RNF13: variants seen among roughly 807,000 people sequenced by gnomAD.
The protein encoded by RNF13 is E3 ubiquitin-protein ligase RNF13.
RNF13 carries 19 observed loss-of-function variants against 37.7 expected under a neutral mutation model. That is an observed-to-expected ratio of 0.50 (90% CI 0.35 to 0.74). The LOEUF is 0.74. Ranked by LOEUF, RNF13 falls within the 30% of genes least tolerant of loss-of-function variation. The pLI is 0.01. For synonymous variants in RNF13, 144 were observed against 157.8 expected (o/e 0.91, Z 0.65); for missense variants, 375 against 453.0 (o/e 0.83, Z 1.56).
chr3:149,942,846 A>G (rs1269479033), intron 8 of RNF13, among the ~76,000 whole-genome samples: 2 of 151,906 alleles, frequency 1.3e-5, no homozygotes, highest in Non-Finnish European at 2.9e-5. Flanking sequence ...CTCATATATG[A>G]CTTTTATTAT....
At chr3:149,901,420 CT>C (rs1055024895) in intron 5 of RNF13, among the ~76,000 whole-genome samples, 1 of 152,000 alleles carries the variant, frequency 6.6e-6, no homozygotes, top group African/African-American at 2.4e-5. Flanking sequence ...TGACGAAATT[CT>C]TTTTGGGTGG....
intron 8 of RNF13, chr3:149,939,622 A>G: frequency 3.1e-6 from 2 of 636,504 alleles, no homozygotes; most frequent in Non-Finnish European, 5.9e-6. Flanking sequence ...TGTTTCAACA[A>G]TATGCAATTT....
Position 149,856,034 on chromosome 3 carries a change from T to C in RNF13, c.195+3438T>C, listed in dbSNP as rs189297991. Among the ~76,000 whole-genome samples the C allele has an allele frequency of 2.3e-3, 349 of 152,272 alleles. 1 individual carries two copies. The highest frequency in any genetic ancestry group is 7.8e-3 in the African/African-American group (326 of 41,550). Reference sequence around the variant, plus strand: ...TTAATTCTCGATAAGCATAATCTTATTGGTGCTCCTCAATTACTGTGCTAC... The same window carrying C: ...TTAATTCTCGATAAGCATAATCTTACTGGTGCTCCTCAATTACTGTGCTAC... On this transcript the variant is annotated intron_variant, in intron 3 of 9. Transcript: ENST00000392894.
chr3:149,856,478 C>G (rs1469272097), intron 3 of RNF13, among the ~76,000 whole-genome samples: 2 of 149,080 alleles, frequency 1.3e-5, no homozygotes, highest in Non-Finnish European at 3.0e-5. Flanking sequence ...GAGTCTCGCC[C>G]TATTGCCCAG....
chr3:149,870,606 G>A (rs1711921741), intron 3 of RNF13, among the ~76,000 whole-genome samples: 6 of 151,776 alleles, frequency 4.0e-5, no homozygotes, highest in Admixed American at 3.9e-4. Flanking sequence ...CTTAGTGTTT[G>A]CAGAAAGGCA....
At chr3:149,954,750 C>A (rs927677333) in intron 8 of RNF13, among the ~76,000 whole-genome samples, 1 of 152,024 alleles carries the variant, frequency 6.6e-6, no homozygotes, top group Non-Finnish European at 1.5e-5. Context: ...ATTAACTTAC[C>A]CATTTCTAGC....
At chr3:149,847,543 A>G (rs760216102) in intron 2 of RNF13, among the ~76,000 whole-genome samples, 2 of 152,096 alleles carry the variant, frequency 1.3e-5, no homozygotes, top group Non-Finnish European at 2.9e-5. Flanking sequence ...CTAGTAATCC[A>G]TACGAGATTT....
chr3:149,843,532 T>C (rs1722365599), intron 1 of RNF13, among the ~76,000 whole-genome samples: 1 of 152,204 alleles, frequency 6.6e-6, no homozygotes, highest in Admixed American at 6.5e-5. Flanking sequence ...CAAAAAACCC[T>C]CAAAACATGC....
chr3:149,895,911 C>T (rs3772205), intron 5 of RNF13, among the ~76,000 whole-genome samples: 136,516 of 152,252 alleles, frequency 0.9, 61,269 homozygotes, highest in African/African-American at 0.93. Flanking sequence ...TATGCACATA[C>T]ACTAAGTAGC....
At chr3:149,920,193 C>A (rs1217132677) in intron 7 of RNF13, among the ~76,000 whole-genome samples, 1 of 151,998 alleles carries the variant, frequency 6.6e-6, no homozygotes, top group African/African-American at 2.4e-5. Context: ...CAGTCTGTGG[C>A]TCATCTGTAT....
chr3:149,888,390 C>T (rs1714288244), intron 4 of RNF13, among the ~76,000 whole-genome samples: 1 of 152,140 alleles, frequency 6.6e-6, no homozygotes, highest in African/African-American at 2.4e-5. Flanking sequence ...TACTATTTAT[C>T]ATCAGATATC....
At chr3:149,942,045 C>G (rs566226186) in intron 8 of RNF13, among the ~76,000 whole-genome samples, 1 of 152,110 alleles carries the variant, frequency 6.6e-6, no homozygotes, top group South Asian at 2.1e-4. Flanking sequence ...TTCCTAGGCT[C>G]TAAATTCTGT....
chr3:149,892,595 A>G lies in RNF13; in HGVS notation c.322-2878A>G, dbSNP rs140221460. Among the ~76,000 whole-genome samples the G allele has an allele frequency of 7.3e-3, 1,107 of 152,278 alleles. 11 individuals carry two copies. Among genetic ancestry groups the G allele is most frequent in the African/African-American group, 0.026 (1,080 of 41,568 alleles). On this transcript the variant is annotated intron_variant, in intron 4 of 9. Transcript: ENST00000392894. ...GGAGGTGAGCGGTGGGCCGGCAAGC[A>G]TTACTGCCTGAGCTCTGCCTCCTGT...
At chr3:149,956,406 G>T (rs1721871064) in intron 8 of RNF13, among the ~76,000 whole-genome samples, 1 of 152,214 alleles carries the variant, frequency 6.6e-6, no homozygotes, top group Non-Finnish European at 1.5e-5. Context: ...AAGCATCAAA[G>T]ATAGGCCTAG....
At chr3:149,906,645 CTTTT>C (rs35801459) in intron 6 of RNF13, among the ~76,000 whole-genome samples, 3 of 79,156 alleles carry the variant, frequency 3.8e-5, no homozygotes, top group Admixed American at 1.9e-4. Context: ...TTCAATTCTG[CTTTT>C]TTTTTTTTTT....
In RNF13 at chr3:149,961,097, C is replaced by T; in HGVS notation, c.1139C>T (p.Thr380Ile). 6.3e-7 allele frequency: 1 copy of T among 1,597,654 alleles called. No individual in the cohort carries two copies. The highest frequency in any genetic ancestry group is 1.1e-5 in the South Asian group (1 of 88,760). ...GAACGGGATTACAACATAGCAAATACTGTTTGACTTTCAGAAGATGATTGG... is the reference window on the plus strand; with the variant it reads ...GAACGGGATTACAACATAGCAAATATTGTTTGACTTTCAGAAGATGATTGG... ...NGERDYNIAN[T>I]V The change falls in exon 10 of 10, where the codon ACT becomes ATT. Residue 380 changes from threonine to isoleucine, a missense_variant. Physicochemically the swap from Thr to Ile is moderately conservative, Grantham distance 89 (BLOSUM62 -1). Coordinates refer to ENST00000392894, the MANE Select transcript of RNF13 (RefSeq NM_183381.3).
chr3:149,932,310 C>T (rs1004933924), intron 8 of RNF13, among the ~76,000 whole-genome samples: 1 of 152,058 alleles, frequency 6.6e-6, no homozygotes, highest in Non-Finnish European at 1.5e-5. Context: ...CAGCAGTGTA[C>T]GAGTGGTCCC....
intron 8 of RNF13, among the ~76,000 whole-genome samples, chr3:149,924,854 G>A (rs1250557313): frequency 6.6e-6 from 1 of 152,186 alleles, no homozygotes; most frequent in Non-Finnish European, 1.5e-5. Context: ...AGATGGGAGA[G>A]TCCCTGTAAT....
intron 8 of RNF13, among the ~76,000 whole-genome samples, chr3:149,941,861 T>C (rs1469929429): frequency 6.8e-6 from 1 of 147,696 alleles, no homozygotes; most frequent in Non-Finnish European, 1.5e-5. Flanking sequence ...GTTAATTTTA[T>C]GTAAGGTGTA....
Sources: allele counts gnomAD v4.1 joint callset (sites outside exome capture counted in the v4.1 genomes callset), GRCh38; gene constraint gnomAD v4.1.1; transcripts MANE v1.5; gene names NCBI Gene and HGNC (gene_info 2026-07-23, HGNC 2026-07-21).